CSNK1G1: variants seen among roughly 807,000 people sequenced by gnomAD.
The protein encoded by CSNK1G1 is casein kinase 1 gamma 1.
In CSNK1G1, 22 loss-of-function variants were observed where a neutral mutation model predicts 59.6. The observed-to-expected ratio is 0.37, with a 90% CI of 0.26 to 0.53. The LOEUF is 0.53. Among genes scored for constraint, CSNK1G1 ranks in the 20% least tolerant of loss-of-function variants. CSNK1G1 has a pLI of 0.89. For missense variants in CSNK1G1, 384 were observed against 519.5 expected (o/e 0.74, Z 2.54); for synonymous variants, 179 against 177.1 (o/e 1.01, Z -0.08).
intron 1 of CSNK1G1, among the ~76,000 whole-genome samples, chr15:64,308,248 C>T (rs1596255277): frequency 6.6e-6 from 1 of 151,910 alleles, no homozygotes; most frequent in Admixed American, 6.6e-5. Flanking sequence ...TCTGTTCTAC[C>T]TGTTGTACAT....
chr15:64,208,954 C>G (rs1194605789), intron 6 of CSNK1G1, among the ~76,000 whole-genome samples: 1 of 147,856 alleles, frequency 6.8e-6, no homozygotes, highest in Non-Finnish European at 1.5e-5. Context: ...GTAGCATGTT[C>G]TTGGACACTG....
At chr15:64,228,265 C>T (rs2082488554) in intron 4 of CSNK1G1, among the ~76,000 whole-genome samples, 1 of 139,002 alleles carries the variant, frequency 7.2e-6, no homozygotes, top group Non-Finnish European at 1.7e-5. Flanking sequence ...AAGTGATAAA[C>T]AGACAGATAT....
chr15:64,280,147 C>T (rs1255052160), intron 2 of CSNK1G1, among the ~76,000 whole-genome samples: 2 of 152,192 alleles, frequency 1.3e-5, no homozygotes, highest in East Asian at 3.9e-4. Flanking sequence ...AAAAGAAGTA[C>T]ACGTATATAC....
At chr15:64,240,876 GGAGA>G (rs2082684556) in intron 4 of CSNK1G1, among the ~76,000 whole-genome samples, 1 of 151,770 alleles carries the variant, frequency 6.6e-6, no homozygotes, top group Non-Finnish European at 1.5e-5. Context: ...GATACACAAA[GGAGA>G]AAGAGAAAAA....
At chr15:64,281,942 AC>A (rs1894163423) in intron 2 of CSNK1G1, among the ~76,000 whole-genome samples, 1 of 150,882 alleles carries the variant, frequency 6.6e-6, no homozygotes. Flanking sequence ...TTTTTTTTAA[AC>A]ACAGTGTCTA....
intron 1 of CSNK1G1, among the ~76,000 whole-genome samples, chr15:64,307,613 T>C (rs576889893): frequency 1.3e-5 from 2 of 152,352 alleles, no homozygotes; most frequent in East Asian, 1.9e-4. Context: ...GTATATCTAA[T>C]CTTCAGACTA....
In CSNK1G1 at chr15:64,203,207, A is replaced by G; in HGVS notation, c.1000-18T>C. 6.4e-7 allele frequency: 1 copy of G among 1,560,764 alleles called. No individual in the cohort carries two copies. On this transcript the variant is annotated intron_variant, in intron 9 of 11. Coordinates refer to ENST00000303052, the MANE Select transcript of CSNK1G1 (RefSeq NM_022048.5). ...GGAGTAGGCTAGAAAAATGAAACAA[A>G]AAGTCAAATGGGGGAAACAGGTCCA...
At chr15:64,204,212 C>T (rs769086397) in intron 9 of CSNK1G1, among the ~76,000 whole-genome samples, 15 of 151,916 alleles carry the variant, frequency 9.9e-5, no homozygotes, top group Non-Finnish European at 1.8e-4. Flanking sequence ...TTAGGACACA[C>T]AAGTTATTAT....
chr15:64,247,085 C>T (rs1472371304), intron 4 of CSNK1G1, among the ~76,000 whole-genome samples: 1 of 152,184 alleles, frequency 6.6e-6, no homozygotes, highest in East Asian at 1.9e-4. Flanking sequence ...TGCCCCAAAC[C>T]TCTCATCCAC....
chr15:64,236,758 T>C (rs1157110131), intron 4 of CSNK1G1, among the ~76,000 whole-genome samples: 2 of 152,210 alleles, frequency 1.3e-5, no homozygotes, highest in Non-Finnish European at 2.9e-5. Flanking sequence ...AAAATAGAAC[T>C]ACTATTGGAT....
intron 4 of CSNK1G1, among the ~76,000 whole-genome samples, chr15:64,220,523 G>A (rs1315945850): frequency 1.3e-5 from 2 of 150,178 alleles, no homozygotes; most frequent in African/African-American, 4.9e-5. Flanking sequence ...TTTATTCAGA[G>A]TCTTGCTCTG....
chr15:64,277,682 GCAATATTGATATATTTAATAA>G (rs1893759195), intron 2 of CSNK1G1, among the ~76,000 whole-genome samples: 2 of 89,800 alleles, frequency 2.2e-5, no homozygotes, highest in African/African-American at 1.8e-4. Context: ...TAATAATATA[GCAATATTGATATATTTAATAA>G]TATATTAATA....
At chr15:64,338,575 C>A (rs942949272) in intron 1 of CSNK1G1, among the ~76,000 whole-genome samples, 1 of 151,640 alleles carries the variant, frequency 6.6e-6, no homozygotes, top group Non-Finnish European at 1.5e-5. Flanking sequence ...TGGTACATGT[C>A]TATAATCCCA....
At chr15:64,349,276 C>T (rs1046507208) in intron 1 of CSNK1G1, among the ~76,000 whole-genome samples, 1 of 151,930 alleles carries the variant, frequency 6.6e-6, no homozygotes, top group Non-Finnish European at 1.5e-5. Context: ...TGCTATTGTT[C>T]CCTGGCAAAT....
intron 4 of CSNK1G1, among the ~76,000 whole-genome samples, chr15:64,235,892 AG>A (rs1412615726): frequency 6.6e-6 from 1 of 152,216 alleles, no homozygotes; most frequent in Non-Finnish European, 1.5e-5. Flanking sequence ...AAGAGAAAAA[AG>A]ATAAATAAGG....
At chr15:64,294,629 G>A (rs993591389) in intron 2 of CSNK1G1, among the ~76,000 whole-genome samples, 4 of 151,990 alleles carry the variant, frequency 2.6e-5, no homozygotes, top group Non-Finnish European at 5.9e-5. Context: ...GATAGGGAAG[G>A]GCCAGGAGTG....
At chr15:64,272,956 G>A (rs912843037) in intron 2 of CSNK1G1, among the ~76,000 whole-genome samples, 3 of 152,086 alleles carry the variant, frequency 2.0e-5, no homozygotes, top group South Asian at 2.1e-4. Context: ...CACCCACCTC[G>A]GCTTCCCAAA....
intron 1 of CSNK1G1, among the ~76,000 whole-genome samples, chr15:64,323,501 G>A (rs972603836): frequency 3.3e-5 from 5 of 151,848 alleles, no homozygotes; most frequent in African/African-American, 7.3e-5. Flanking sequence ...TAGTAGCTGC[G>A]ATTACAGGCA....
intron 2 of CSNK1G1, among the ~76,000 whole-genome samples, chr15:64,268,945 C>G (rs1453344931): frequency 6.6e-6 from 1 of 152,080 alleles, no homozygotes; most frequent in African/African-American, 2.4e-5. Context: ...GCTCAAGGAG[C>G]CTGCTATATT....
Sources: gnomAD v4.1 joint callset for allele counts (sites outside exome capture counted in the v4.1 genomes callset) on GRCh38, gnomAD v4.1.1 for gene constraint, MANE v1.5 for transcripts, NCBI Gene and HGNC (gene_info 2026-07-23, HGNC 2026-07-21) for gene names.